The following TNFSF4 variants were observed in gnomAD, a reference collection of about 807,000 sequenced individuals.
TNFSF4 encodes the protein TNF superfamily member 4.
TNFSF4 carries 4 observed loss-of-function variants against 7.3 expected under a neutral mutation model. The ratio of observed to expected loss-of-function variants is 0.55; its 90% CI spans 0.27 to 1.25. TNFSF4 has a LOEUF of 1.25. Ranked by LOEUF, TNFSF4 falls within the 50% of genes most tolerant of loss-of-function variation. TNFSF4 has a pLI of 0.12. For missense variants in TNFSF4, 181 were observed against 208.8 expected (o/e 0.87, Z 0.82); for synonymous variants, 76 against 83.7 (o/e 0.91, Z 0.50).
At chr1:173,408,316 T>C in the TNFSF4 span, among the ~76,000 whole-genome samples, 5 of 152,194 alleles carry the variant, frequency 3.3e-5, no homozygotes, top group Middle Eastern at 3.4e-3. Flanking sequence ...CAAAGAATGA[T>C]AGGAACACTG....
the TNFSF4 span, among the ~76,000 whole-genome samples, chr1:173,305,143 A>G: frequency 6.6e-6 from 1 of 151,954 alleles, no homozygotes; most frequent in African/African-American, 2.4e-5. Context: ...GGGAGACCAG[A>G]TGATATTTTA....
chr1:173,306,645 T>C, the TNFSF4 span, among the ~76,000 whole-genome samples: 1 of 152,088 alleles, frequency 6.6e-6, no homozygotes, highest in Non-Finnish European at 1.5e-5. Context: ...ACATACACTA[T>C]GCCTCCTCCA....
At chr1:173,441,630 A>G in the TNFSF4 span, among the ~76,000 whole-genome samples, 1 of 152,216 alleles carries the variant, frequency 6.6e-6, no homozygotes. Flanking sequence ...TCTCAAAAAA[A>G]AATTAAGTCC....
chr1:173,280,905 C>T, the TNFSF4 span, among the ~76,000 whole-genome samples: 1 of 152,088 alleles, frequency 6.6e-6, no homozygotes. Flanking sequence ...ATTATTTAAA[C>T]TCCCGGGCAA....
At chr1:173,383,154 G>A in the TNFSF4 span, among the ~76,000 whole-genome samples, 1 of 152,116 alleles carries the variant, frequency 6.6e-6, no homozygotes, top group South Asian at 2.1e-4. Flanking sequence ...CTGCTAGTGA[G>A]TAGAAGCCAA....
At chr1:173,258,350 A>T in the TNFSF4 span, among the ~76,000 whole-genome samples, 2 of 152,078 alleles carry the variant, frequency 1.3e-5, no homozygotes, top group Non-Finnish European at 2.9e-5. Flanking sequence ...GCAGGGTGGA[A>T]AAATGGCCCA....
chr1:173,396,872 T>C, the TNFSF4 span, among the ~76,000 whole-genome samples: 42 of 152,354 alleles, frequency 2.8e-4, no homozygotes, highest in African/African-American at 1.0e-3. Context: ...AGAGGAGCCC[T>C]AGCATCCCTG....
the TNFSF4 span, among the ~76,000 whole-genome samples, chr1:173,428,824 G>T: frequency 2.0e-5 from 3 of 152,284 alleles, no homozygotes; most frequent in African/African-American, 7.2e-5. Flanking sequence ...GGCCAACATG[G>T]TGAAACCCCG....
At chr1:173,391,310 G>GTCTCTCTCTCTCTCTC in the TNFSF4 span, among the ~76,000 whole-genome samples, 2 of 132,288 alleles carry the variant, frequency 1.5e-5, no homozygotes, top group Non-Finnish European at 3.1e-5. Flanking sequence ...CTTTCTTTCT[G>GTCTCTCTCTCTCTCTC]TCTCTCTCTC....
chr1:173,308,308 T>C, the TNFSF4 span, among the ~76,000 whole-genome samples: 2 of 150,350 alleles, frequency 1.3e-5, no homozygotes, highest in Non-Finnish European at 3.0e-5. Flanking sequence ...TGTGTGTGTG[T>C]GTGTCTGTGT....
At chr1:173,328,411 G>A in the TNFSF4 span, among the ~76,000 whole-genome samples, 10 of 151,512 alleles carry the variant, frequency 6.6e-5, no homozygotes, top group South Asian at 2.1e-4. Flanking sequence ...GCTAAATGAC[G>A]AGTTAATGGG....
chr1:173,259,525 GA>G, the TNFSF4 span, among the ~76,000 whole-genome samples: 2 of 152,224 alleles, frequency 1.3e-5, no homozygotes, highest in East Asian at 3.9e-4. Context: ...GGCTTCAGAA[GA>G]TGGGTAATGA....
At chr1:173,277,574 T>A in the TNFSF4 span, among the ~76,000 whole-genome samples, 1 of 152,266 alleles carries the variant, frequency 6.6e-6, no homozygotes, top group Non-Finnish European at 1.5e-5. Context: ...ACTTAATATA[T>A]AATAGTTTTT....
At chr1:173,378,067 C>G in the TNFSF4 span, among the ~76,000 whole-genome samples, 5 of 152,112 alleles carry the variant, frequency 3.3e-5, no homozygotes, top group African/African-American at 1.2e-4. Flanking sequence ...GGAGGACAGG[C>G]AAGGGTGCAG....
chr1:173,179,120 G>C (rs1394200988), downstream of TNFSF4, among the ~76,000 whole-genome samples: 1 of 152,280 alleles, frequency 6.6e-6, no homozygotes, highest in East Asian at 1.9e-4. Flanking sequence ...AGAACTCTCA[G>C]AGAATAAATT....
the TNFSF4 span, among the ~76,000 whole-genome samples, chr1:173,323,330 C>T: frequency 6.6e-6 from 1 of 152,302 alleles, no homozygotes; most frequent in East Asian, 1.9e-4. Context: ...AGGGTCCTGA[C>T]TATTAGAAGG....
chr1:173,346,866 A>C, the TNFSF4 span, among the ~76,000 whole-genome samples: 1 of 152,224 alleles, frequency 6.6e-6, no homozygotes, highest in Non-Finnish European at 1.5e-5. Context: ...AAGAAATTGC[A>C]AAAACAGAAA....
At chr1:173,174,457 G>T in the TNFSF4 span, 5 of 152,122 alleles carry the variant, frequency 3.3e-5, no homozygotes, top group African/African-American at 1.2e-4. Flanking sequence ...CTGCTATAAA[G>T]AACTGCCCGA....
the TNFSF4 span, among the ~76,000 whole-genome samples, chr1:173,220,881 T>A: frequency 6.6e-6 from 1 of 152,134 alleles, no homozygotes; most frequent in African/African-American, 2.4e-5. Context: ...TTAAATGCTG[T>A]GACCCACATA....
Sources: allele counts gnomAD v4.1 joint callset (sites outside exome capture counted in the v4.1 genomes callset), GRCh38; gene constraint gnomAD v4.1.1; transcripts MANE v1.5; gene names NCBI Gene and HGNC (gene_info 2026-07-23, HGNC 2026-07-21).